Variants in TLL1 observed in about 807,000 individuals in gnomAD.
TLL1 encodes the protein tolloid-like protein 1.
TLL1 carries 49 observed loss-of-function variants against 128.2 expected under a neutral mutation model. That is an observed-to-expected ratio of 0.38 (90% confidence interval 0.30 to 0.48). TLL1 has a LOEUF of 0.48. Among genes scored for constraint, TLL1 ranks in the 20% least tolerant of loss-of-function variants. The pLI, the probability that TLL1 is intolerant of heterozygous loss-of-function variation, is 0.96. For synonymous variants in TLL1, 454 were observed against 418.8 expected (o/e 1.08, Z -1.03); for missense variants, 1,123 against 1,242.0 (o/e 0.90, Z 1.44).
chr4:165,910,223 A>G (rs2110870124), intron 1 of TLL1, among the ~76,000 whole-genome samples: 1 of 152,280 alleles, frequency 6.6e-6, no homozygotes, highest in South Asian at 2.1e-4. Context: ...TGGATTTGTA[A>G]GCTCATTAAA....
intron 1 of TLL1, among the ~76,000 whole-genome samples, chr4:165,973,875 A>G (rs1332669226): frequency 1.3e-5 from 2 of 152,074 alleles, no homozygotes; most frequent in Admixed American, 6.5e-5. Flanking sequence ...CATATTGGTC[A>G]GGCTGGTTTC....
At chr4:166,081,507 G>T (rs1480546599) in intron 18 of TLL1, among the ~76,000 whole-genome samples, 3 of 152,132 alleles carry the variant, frequency 2.0e-5, no homozygotes, top group African/African-American at 7.2e-5. Flanking sequence ...GTGTGTGCAA[G>T]CTCCCCTCGT....
At chr4:166,010,699 A>G (rs1737651604) in intron 7 of TLL1, among the ~76,000 whole-genome samples, 1 of 150,998 alleles carries the variant, frequency 6.6e-6, no homozygotes, top group Admixed American at 6.6e-5. Context: ...GCTTTCTGTG[A>G]CATATCCAAG....
At chr4:166,098,698 T>C (rs1742141395) in intron 19 of TLL1, among the ~76,000 whole-genome samples, 1 of 152,132 alleles carries the variant, frequency 6.6e-6, no homozygotes, top group Non-Finnish European at 1.5e-5. Flanking sequence ...ACTACTATTG[T>C]ATATATTCTA....
chr4:166,058,829 T>C (rs953662559), intron 14 of TLL1, among the ~76,000 whole-genome samples: 5 of 152,142 alleles, frequency 3.3e-5, no homozygotes, highest in African/African-American at 1.2e-4. Flanking sequence ...GTACCTGTAA[T>C]AGAGGATATA....
chr4:165,992,264 A>C (rs187924129), intron 2 of TLL1, among the ~76,000 whole-genome samples: 2 of 152,230 alleles, frequency 1.3e-5, no homozygotes, highest in East Asian at 3.9e-4. Context: ...ATTTCTATAA[A>C]TTCAACTAAA....
In TLL1 at chr4:166,091,198, A is replaced by T. The variant is rs1225173492; in HGVS notation, c.2513A>T (p.Glu838Val). 6.2e-7 allele frequency: 1 copy of T among 1,613,268 alleles called. No individual in the cohort carries two copies. ...GACCACTTAGAAGTATTTGATGGAG[A>T]AACAGAAAAGTCACCGATTCTTGGA... The part of the protein sequence containing the change: ...AYDHLEVFDG[E>V]TEKSPILGRL... Residue 838 changes from glutamate (E) to valine (V), a missense_variant, in exon 19 of 21, where the codon GAA becomes GTA. Physicochemically the swap from Glu to Val is moderately radical, Grantham distance 121 (BLOSUM62 -2). This residue lies in a region of TLL1 where 634 missense variants were observed against 672.4 expected (regional missense o/e 0.94). Coordinates refer to ENST00000061240, the MANE Select transcript of TLL1 (RefSeq NM_012464.5).
At chr4:165,980,210 T>C (rs545521281) in intron 1 of TLL1, among the ~76,000 whole-genome samples, 28 of 147,266 alleles carry the variant, frequency 1.9e-4, no homozygotes, top group African/African-American at 7.3e-4. Context: ...CCAGTCCCCT[T>C]ATGTTCTTAC....
chr4:165,929,822 G>A (rs970486926), intron 1 of TLL1, among the ~76,000 whole-genome samples: 2 of 152,138 alleles, frequency 1.3e-5, no homozygotes, highest in African/African-American at 4.8e-5. Context: ...CGTTGCTCAG[G>A]ACTTCTGAAG....
At chr4:166,057,659 A>T (rs1198895728) in intron 14 of TLL1, among the ~76,000 whole-genome samples, 1 of 152,198 alleles carries the variant, frequency 6.6e-6, no homozygotes, top group African/African-American at 2.4e-5. Flanking sequence ...TAATGGACTC[A>T]CAGTTCCACA....
intron 7 of TLL1, among the ~76,000 whole-genome samples, chr4:166,012,765 C>G (rs894579259): frequency 2.0e-5 from 3 of 151,708 alleles, no homozygotes; most frequent in African/African-American, 4.8e-5. Context: ...TCCCGTAAAT[C>G]ACTAGCTCTA....
Position 166,086,681 on chromosome 4 carries a change from G to A in TLL1, c.2443-4447G>A, listed in dbSNP as rs529935806. Among the ~76,000 whole-genome samples the A allele has an allele frequency of 1.7e-4, 26 of 152,176 alleles. No individual in the cohort carries two copies. The East Asian group carries it at 4.1e-3, about 24-fold the overall frequency. ...TCAGAAGCCCTTGAATGTAACTTTC[G>A]GAACATTCTGTTGGTAAAGCAAATC... On this transcript the variant is annotated intron_variant, in intron 18 of 20. Transcript: ENST00000061240.
At chr4:165,944,970 A>C (rs568758227) in intron 1 of TLL1, among the ~76,000 whole-genome samples, 2 of 151,940 alleles carry the variant, frequency 1.3e-5, no homozygotes, top group African/African-American at 4.8e-5. Flanking sequence ...AATCTTTGAT[A>C]TATCACTATT....
intron 1 of TLL1, among the ~76,000 whole-genome samples, chr4:165,891,837 C>T (rs1481947390): frequency 1.3e-5 from 2 of 152,200 alleles, no homozygotes; most frequent in East Asian, 3.8e-4. Context: ...CAACTTCTGC[C>T]AGTTACCCAG....
rs1318771923 is a variant in TLL1 at position 166,103,458 on chromosome 4, T to A, written c.*2582T>A. ...TTTGCCTGATGTGGTAGGGGAAATG[T>A]ATTGCTCTATATTAAGAAATATTCT... On this transcript the variant is annotated 3_prime_UTR_variant, in exon 21 of 21. Transcript: ENST00000061240. 1.3e-5 allele frequency: 2 copies of A among 151,892 alleles called. No homozygotes were observed. Among genetic ancestry groups the A allele is most frequent in the Admixed American group, 1.3e-4 (2 of 15,192 alleles). 9.4% of individuals were successfully genotyped at this position (151,892 alleles called of 1,614,324 possible).
intron 1 of TLL1, among the ~76,000 whole-genome samples, chr4:165,927,583 T>C (rs1164144302): frequency 2.6e-5 from 4 of 152,218 alleles, no homozygotes; most frequent in African/African-American, 4.8e-5. Context: ...TACATGCTAA[T>C]TGATTGCTAC....
chr4:166,003,992 T>C (rs1019785775), intron 6 of TLL1, among the ~76,000 whole-genome samples: 2 of 152,110 alleles, frequency 1.3e-5, no homozygotes, highest in East Asian at 1.9e-4. Flanking sequence ...ATCTGTGTTA[T>C]ACCAGGTACA....
intron 8 of TLL1, among the ~76,000 whole-genome samples, chr4:166,024,327 G>C (rs570883303): frequency 6.6e-6 from 1 of 152,186 alleles, no homozygotes; most frequent in East Asian, 1.9e-4. Flanking sequence ...ATTTATTGAG[G>C]AGTTGATGAG....
intron 12 of TLL1, among the ~76,000 whole-genome samples, chr4:166,048,278 T>C (rs894879880): frequency 6.7e-6 from 1 of 148,762 alleles, no homozygotes; most frequent in African/African-American, 2.5e-5. Context: ...GCTTCTACCA[T>C]GTGAGGGCAA....
Sources: allele counts gnomAD v4.1 joint callset (sites outside exome capture counted in the v4.1 genomes callset), GRCh38; gene constraint gnomAD v4.1.1; regional missense constraint gnomAD v4.1.1; transcripts MANE v1.5; gene names NCBI Gene and HGNC (gene_info 2026-07-23, HGNC 2026-07-21).